Variants in CNTLN observed in about 807,000 individuals in gnomAD.
CNTLN encodes centlein, also known as centlein, centrosomal protein.
CNTLN carries 212 observed loss-of-function variants against 180.0 expected under a neutral mutation model. The ratio of observed to expected loss-of-function variants is 1.18; its 90% confidence interval spans 1.05 to 1.32. The LOEUF is 1.32. Ranked by LOEUF, CNTLN falls within the 40% of genes most tolerant of loss-of-function variation. The pLI is 0.00. For missense variants in CNTLN, 2,095 were observed against 1,610.9 expected (o/e 1.30, Z -5.14); for synonymous variants, 722 against 563.1 (o/e 1.28, Z -3.99).
intron 2 of CNTLN, among the ~76,000 whole-genome samples, chr9:17,184,950 A>G (rs1251270045): frequency 2.0e-5 from 3 of 152,210 alleles, no homozygotes; most frequent in East Asian, 3.8e-4. Flanking sequence ...CTCACAGTGT[A>G]TTTTTGGATA....
At chr9:17,188,388 A>G (rs993995858) in intron 2 of CNTLN, among the ~76,000 whole-genome samples, 2 of 152,162 alleles carry the variant, frequency 1.3e-5, no homozygotes, top group African/African-American at 4.8e-5. Flanking sequence ...TTCAAAAACT[A>G]TGACCCTTAC....
chr9:17,379,593 G>C (rs1024101160), intron 13 of CNTLN, among the ~76,000 whole-genome samples: 1 of 152,112 alleles, frequency 6.6e-6, no homozygotes, highest in African/African-American at 2.4e-5. Context: ...ATTGTCTGAT[G>C]CCCAGTATCT....
At chr9:17,274,453 A>ATATCTATCTATCTATC (rs71331478) in intron 6 of CNTLN, among the ~76,000 whole-genome samples, 2 of 138,890 alleles carry the variant, frequency 1.4e-5, no homozygotes, top group Admixed American at 7.3e-5. Flanking sequence ...TCATAGATCA[A>ATATCTATCTATCTATC]TATCTATCTA....
chr9:17,391,188 C>G (rs1442839918), intron 14 of CNTLN, among the ~76,000 whole-genome samples: 1 of 152,134 alleles, frequency 6.6e-6, no homozygotes, highest in Non-Finnish European at 1.5e-5. Flanking sequence ...GAGGGGCAAA[C>G]CAAGCAAGGC....
intron 7 of CNTLN, among the ~76,000 whole-genome samples, chr9:17,306,946 G>C (rs1587599929): frequency 6.6e-6 from 1 of 152,112 alleles, no homozygotes; most frequent in African/African-American, 2.4e-5. Context: ...CTTGTGTCCA[G>C]GGTTTGCTTT....
chr9:17,512,561 A>G, the CNTLN span, among the ~76,000 whole-genome samples: 1 of 152,192 alleles, frequency 6.6e-6, no homozygotes. Flanking sequence ...GTTGCATACT[A>G]TGTTCACTAG....
chr9:17,296,335 C>G (rs902772529), intron 6 of CNTLN, among the ~76,000 whole-genome samples: 19 of 152,122 alleles, frequency 1.2e-4, no homozygotes, highest in East Asian at 1.2e-3. Flanking sequence ...TTTCTTTTGA[C>G]TAAAGATACA....
chr9:17,507,599 C>G (rs1564161205), downstream of CNTLN, among the ~76,000 whole-genome samples: 3 of 152,086 alleles, frequency 2.0e-5, no homozygotes, highest in South Asian at 6.2e-4. Flanking sequence ...ACGTAACTGC[C>G]TTTGGTATTA....
chr9:17,427,611 G>C (rs766342656), intron 18 of CNTLN, among the ~76,000 whole-genome samples: 1 of 152,052 alleles, frequency 6.6e-6, no homozygotes, highest in African/African-American at 2.4e-5. Flanking sequence ...AGGCATGACA[G>C]TTCAATACTA....
intron 23 of CNTLN, among the ~76,000 whole-genome samples, chr9:17,483,279 A>G (rs868769119): frequency 2.0e-5 from 3 of 152,190 alleles, no homozygotes; most frequent in Admixed American, 1.3e-4. Context: ...CAAAAACACA[A>G]GCTACTCTGA....
chr9:17,415,693 A>G (rs1828167560), intron 16 of CNTLN, 95 bp from the exon 17 acceptor site: 1 of 857,170 alleles, frequency 1.2e-6, no homozygotes, highest in African/African-American at 1.7e-5. Context: ...TGCATAAACA[A>G]TTGTATTTTT....
At chr9:17,177,734 C>T (rs906357855) in intron 2 of CNTLN, among the ~76,000 whole-genome samples, 21 of 152,112 alleles carry the variant, frequency 1.4e-4, no homozygotes, top group African/African-American at 5.1e-4. Flanking sequence ...ACTGAAGCTG[C>T]AGACCTTCGC....
At chr9:17,211,563 T>G (rs1037995327) in intron 2 of CNTLN, among the ~76,000 whole-genome samples, 2 of 152,174 alleles carry the variant, frequency 1.3e-5, no homozygotes, top group East Asian at 3.8e-4. Context: ...CATGTGAACT[T>G]TAAAGTAGTT....
intron 2 of CNTLN, among the ~76,000 whole-genome samples, chr9:17,181,911 G>T (rs1283913056): frequency 6.6e-6 from 1 of 152,220 alleles, no homozygotes; most frequent in Non-Finnish European, 1.5e-5. Flanking sequence ...CCTTGTTATT[G>T]CTGGGCAGAG....
chr9:17,438,936 G>C (rs1829945526), intron 18 of CNTLN, among the ~76,000 whole-genome samples: 1 of 152,110 alleles, frequency 6.6e-6, no homozygotes, highest in Non-Finnish European at 1.5e-5. Context: ...AGAGAAAAGA[G>C]AATCTTAGAA....
chr9:17,356,029 A>C (rs970190898), intron 12 of CNTLN, among the ~76,000 whole-genome samples: 2 of 147,342 alleles, frequency 1.4e-5, no homozygotes, highest in African/African-American at 2.5e-5. Flanking sequence ...ACGCCACTGC[A>C]CTCCAGCCTG....
intron 18 of CNTLN, among the ~76,000 whole-genome samples, chr9:17,456,631 C>T (rs1564122201): frequency 6.6e-6 from 1 of 152,016 alleles, no homozygotes; most frequent in Non-Finnish European, 1.5e-5. Context: ...GGAATTTCAA[C>T]AAAGAAAGAT....
At chr9:17,200,250 A>G (rs962630426) in intron 2 of CNTLN, among the ~76,000 whole-genome samples, 13 of 152,120 alleles carry the variant, frequency 8.5e-5, no homozygotes, top group Admixed American at 1.3e-4. Context: ...GCCTTGTAGT[A>G]TAGTTTGAAG....
chr9:17,451,831 C>T (rs1967355), intron 18 of CNTLN, among the ~76,000 whole-genome samples: 199 of 152,282 alleles, frequency 1.3e-3, no homozygotes, highest in African/African-American at 4.4e-3. Flanking sequence ...TTAAATGGTT[C>T]ATTACTTTAA....
Sources: gnomAD v4.1 joint callset for allele counts (sites outside exome capture counted in the v4.1 genomes callset) on GRCh38, gnomAD v4.1.1 for gene constraint, MANE v1.5 for transcripts, NCBI Gene and HGNC (gene_info 2026-07-23, HGNC 2026-07-21) for gene names.